NRXN3: variants seen among roughly 807,000 people sequenced by gnomAD.
NRXN3 encodes the protein neurexin 3.
A neutral mutation model predicts 137.6 loss-of-function variants in NRXN3; 32 were observed. The observed-to-expected ratio is 0.23, with a 90% confidence interval of 0.18 to 0.31. The LOEUF (loss-of-function observed/expected upper bound fraction) is 0.31, where lower values mean the gene tolerates loss of function less well. NRXN3 is among the 10% of genes least tolerant of loss of function. The pLI is 1.00. For synonymous variants in NRXN3, 798 were observed against 784.5 expected, an observed-to-expected ratio of 1.02 and a Z score of -0.29; for missense variants, 1,574 against 2,062.5, an observed-to-expected ratio of 0.76 and a Z score of 4.59.
At chr14:79,175,223 G>A (rs911199134) in intron 15 of NRXN3, among the ~76,000 whole-genome samples, 15 of 152,168 alleles carry the variant, frequency 9.9e-5, no homozygotes, top group Non-Finnish European at 1.5e-5. Flanking sequence ...CTCGTGATCC[G>A]CCTGCCTCGG....
chr14:78,891,797 T>C (rs1421738952), intron 10 of NRXN3, among the ~76,000 whole-genome samples: 2 of 152,040 alleles, frequency 1.3e-5, no homozygotes, highest in East Asian at 1.9e-4. Context: ...ATTTTTCAAA[T>C]GTATGCGTCT....
At chr14:79,756,953 T>C (rs1307019762) in intron 19 of NRXN3, among the ~76,000 whole-genome samples, 3 of 152,174 alleles carry the variant, frequency 2.0e-5, no homozygotes, top group African/African-American at 7.2e-5. Context: ...CTCTGCTGTA[T>C]TCCTTAGCTA....
At chr14:78,850,411 A>G (rs2099039413) in intron 10 of NRXN3, among the ~76,000 whole-genome samples, 1 of 152,170 alleles carries the variant, frequency 6.6e-6, no homozygotes, top group Non-Finnish European at 1.5e-5. Context: ...CCAGGGGTTA[A>G]AACTAACCAT....
chr14:78,516,016 T>C (rs1456659406), intron 4 of NRXN3, among the ~76,000 whole-genome samples: 2 of 152,070 alleles, frequency 1.3e-5, no homozygotes, highest in Admixed American at 1.3e-4. Flanking sequence ...TAATGACAAA[T>C]TGCATGTAAA....
intron 2 of NRXN3, among the ~76,000 whole-genome samples, chr14:78,244,892 G>A (rs576297420): frequency 2.6e-5 from 4 of 152,326 alleles, no homozygotes; most frequent in African/African-American, 9.6e-5. Context: ...AAGCAGGGAG[G>A]CACAGAGGCT....
chr14:78,556,332 C>G (rs1465790535), intron 4 of NRXN3, among the ~76,000 whole-genome samples: 1 of 152,106 alleles, frequency 6.6e-6, no homozygotes. Context: ...CCATTTTAAT[C>G]CAAAGCTCTT....
rs575785940 is a variant in NRXN3 at position 79,262,813 on chromosome 14, A to C, written c.3263-204408A>C. On this transcript the variant is annotated intron_variant, in intron 15 of 20. Coordinates refer to ENST00000335750, the MANE Select transcript of NRXN3 (RefSeq NM_001330195.2). ...ATGGACATTCACAGAAACCTGGAGA[A>C]AGTGGATGGCTCCTGGGTGGATAGC... 6.6e-5 allele frequency among the ~76,000 whole-genome samples: 10 copies of C among 152,296 alleles called. No homozygotes were observed. The South Asian group carries it at 1.7e-3, about 25-fold the overall frequency.
At chr14:79,521,841 T>C (rs1450796686) in intron 16 of NRXN3, among the ~76,000 whole-genome samples, 1 of 152,188 alleles carries the variant, frequency 6.6e-6, no homozygotes, top group East Asian at 1.9e-4. Context: ...TCTAATTATG[T>C]TTTGGTTGAT....
At position 79,370,520 on chromosome 14, in the gene NRXN3, G is replaced by A. The variant is rs28508038; in HGVS notation, c.3263-96701G>A. Among the ~76,000 whole-genome samples, 379 of 151,928 alleles carry A rather than the reference G, an allele frequency of 2.5e-3. 2 individuals are homozygous for A. Among genetic ancestry groups the A allele is most frequent in the African/African-American group, 8.9e-3 (369 of 41,464 alleles). On this transcript the variant is annotated intron_variant, in intron 15 of 20. Transcript: ENST00000335750. ...TTTAGTAGAGACAGGGTTTCTCCAT[G>A]TCGGTCAGGCTGGTCTCGAACTCCT...
chr14:78,804,601 T>C (rs2098849828), intron 9 of NRXN3, among the ~76,000 whole-genome samples: 1 of 152,210 alleles, frequency 6.6e-6, no homozygotes, highest in South Asian at 2.1e-4. Context: ...AAATTATGAC[T>C]TCAAATTTGT....
chr14:79,626,603 G>T (rs2098284274), intron 16 of NRXN3, among the ~76,000 whole-genome samples: 1 of 152,112 alleles, frequency 6.6e-6, no homozygotes, highest in Admixed American at 6.5e-5. Context: ...AAAATTTTCA[G>T]TGTTGAAGAG....
intron 16 of NRXN3, among the ~76,000 whole-genome samples, chr14:79,480,530 T>C (rs1287941682): frequency 6.6e-6 from 1 of 152,154 alleles, no homozygotes; most frequent in Non-Finnish European, 1.5e-5. Context: ...TAGCAAAAAC[T>C]ACAACATGAT....
At chr14:79,433,045 A>G (rs1003683590) in intron 15 of NRXN3, among the ~76,000 whole-genome samples, 1 of 152,196 alleles carries the variant, frequency 6.6e-6, no homozygotes, top group Non-Finnish European at 1.5e-5. Flanking sequence ...GCACCTAACA[A>G]TGTAATCTTC....
At chr14:78,737,329 AAC>A (rs1201208053) in intron 8 of NRXN3, among the ~76,000 whole-genome samples, 1 of 152,126 alleles carries the variant, frequency 6.6e-6, no homozygotes, top group African/African-American at 2.4e-5. Context: ...TAGGGGTCCA[AAC>A]ACAGTTCCCA....
intron 8 of NRXN3, among the ~76,000 whole-genome samples, chr14:78,756,279 A>G (rs1428949938): frequency 6.6e-6 from 1 of 152,084 alleles, no homozygotes; most frequent in Non-Finnish European, 1.5e-5. Context: ...CCTGAGGTCA[A>G]GAGTTTGAGA....
At chr14:78,541,168 TG>T (rs2096585729) in intron 4 of NRXN3, among the ~76,000 whole-genome samples, 1 of 152,202 alleles carries the variant, frequency 6.6e-6, no homozygotes, top group South Asian at 2.1e-4. Flanking sequence ...TGGCCTGCCT[TG>T]CTAGGTTGGG....
chr14:79,420,197 C>T (rs2095555696), intron 15 of NRXN3, among the ~76,000 whole-genome samples: 1 of 152,026 alleles, frequency 6.6e-6, no homozygotes, highest in African/African-American at 2.4e-5. Flanking sequence ...CTCAGAACAT[C>T]TATGTGAGGT....
intron 19 of NRXN3, among the ~76,000 whole-genome samples, chr14:79,725,614 T>C (rs1214404040): frequency 6.6e-6 from 1 of 152,156 alleles, no homozygotes; most frequent in African/African-American, 2.4e-5. Context: ...CCATTGACTT[T>C]CTTGTTCCAT....
At chr14:78,237,749 G>C (rs1049455774) in intron 1 of NRXN3, among the ~76,000 whole-genome samples, 10 of 152,202 alleles carry the variant, frequency 6.6e-5, no homozygotes, top group African/African-American at 9.7e-5. Context: ...CACAGAACGA[G>C]ATTGGTGGTG....
Sources: gnomAD v4.1 joint callset for allele counts (sites outside exome capture counted in the v4.1 genomes callset) on GRCh38, gnomAD v4.1.1 for gene constraint, MANE v1.5 for transcripts, NCBI Gene and HGNC (gene_info 2026-07-23, HGNC 2026-07-21) for gene names.